The following FRAS1 variants were observed in gnomAD, a reference collection of about 807,000 sequenced individuals.
FRAS1 encodes the protein extracellular matrix organizing protein FRAS1.
A neutral mutation model predicts 435.2 loss-of-function variants in FRAS1; 290 were observed. That is an observed-to-expected ratio of 0.67 (90% CI 0.61 to 0.73). The LOEUF (loss-of-function observed/expected upper bound fraction) is 0.73, where lower values mean the gene tolerates loss of function less well. Among genes scored for constraint, FRAS1 ranks in the 30% least tolerant of loss-of-function variants. The probability of loss-of-function intolerance (pLI) is 0.00; values close to 1 mark genes in which losing one functional copy is unlikely to be tolerated. For synonymous variants in FRAS1, 1,800 were observed against 1,851.0 expected (o/e 0.97, Z 0.71); for missense variants, 4,860 against 5,001.5 (o/e 0.97, Z 0.85).
At chr4:78,424,075 C>T (rs879736715) in intron 34 of FRAS1, among the ~76,000 whole-genome samples, 1 of 152,118 alleles carries the variant, frequency 6.6e-6, no homozygotes, top group Non-Finnish European at 1.5e-5. Flanking sequence ...ACGACTCACC[C>T]GCATTCACCG....
chr4:78,420,589 T>TTAGTTCTATACCTGAA (rs1262339009), intron 33 of FRAS1, among the ~76,000 whole-genome samples: 6 of 106,336 alleles, frequency 5.6e-5, no homozygotes, highest in Non-Finnish European at 1.2e-4. Context: ...GTTCTTAGAA[T>TTAGTTCTATACCTGAA]AATCAAGACC....
At chr4:78,438,815 T>A in intron 39 of FRAS1, 87 bp from the exon 40 acceptor site, 4 of 1,492,386 alleles carry the variant, frequency 2.7e-6, no homozygotes, top group Non-Finnish European at 3.7e-6. Flanking sequence ...ATATATTGGT[T>A]TGGCCCCATT....
At chr4:78,264,088 CA>C (rs1227167824) in intron 6 of FRAS1, among the ~76,000 whole-genome samples, 2 of 152,140 alleles carry the variant, frequency 1.3e-5, no homozygotes, top group Non-Finnish European at 2.9e-5. Context: ...TAAGATCTAC[CA>C]CTTCTTAGTT....
At chr4:78,279,460 G>C (rs971649253) in intron 10 of FRAS1, among the ~76,000 whole-genome samples, 1 of 152,170 alleles carries the variant, frequency 6.6e-6, no homozygotes, top group Admixed American at 6.5e-5. Flanking sequence ...CTGGAGGTAG[G>C]CAACCTGGTT....
intron 23 of FRAS1, among the ~76,000 whole-genome samples, chr4:78,372,248 A>T (rs774090062): frequency 2.0e-5 from 3 of 152,224 alleles, no homozygotes; most frequent in Non-Finnish European, 2.9e-5. Context: ...GAGAGATAGA[A>T]ACCCATGCAG....
In FRAS1 at chr4:78,246,670, A is replaced by G. The variant is rs567991169; in HGVS notation, c.309+1345A>G. On this transcript the variant is annotated intron_variant, in intron 4 of 73. Coordinates refer to ENST00000512123, the MANE Select transcript of FRAS1 (RefSeq NM_025074.7). ...ATGATAAGTGCATGGTTCAAGGTGAATGATAAGTGCATGGTTCAACCTGAA... is the reference window on the plus strand; with the variant it reads ...ATGATAAGTGCATGGTTCAAGGTGAGTGATAAGTGCATGGTTCAACCTGAA... Among the ~76,000 whole-genome samples the G allele has an allele frequency of 2.0e-5, 3 of 152,330 alleles. 1 individual carries two copies. Among genetic ancestry groups the G allele is most frequent in the African/African-American group, 7.2e-5 (3 of 41,584 alleles).
At chr4:78,431,192 T>G (rs1389480642) in intron 37 of FRAS1, among the ~76,000 whole-genome samples, 2 of 152,192 alleles carry the variant, frequency 1.3e-5, no homozygotes. Context: ...TTGCTACTGA[T>G]GGTAGATGGA....
rs1553934020 is a variant in FRAS1, at chr4:78,249,048, G to GATATATATATATATGCATAT, written c.310-3329_310-3310dup. 1.9e-3 allele frequency among the ~76,000 whole-genome samples: 53 copies of GATATATATATATATGCATAT among 27,488 alleles called. 4 individuals are homozygous for GATATATATATATATGCATAT. The highest frequency in any genetic ancestry group is 2.6e-3 in the Admixed American group (4 of 1,532). The allele number at this position is 27,488 out of a possible 152,430, so 18.0% of individuals were successfully genotyped here. ...TCATAAACGTGTATGAAGAACTACT[G>GATATATATATATATGCATAT]ATATATATATATATGCATATATATA... On this transcript the variant is annotated intron_variant, in intron 4 of 73. Coordinates refer to ENST00000512123, the MANE Select transcript of FRAS1 (RefSeq NM_025074.7).
At chr4:78,125,104 C>T (rs182950369) in intron 2 of FRAS1, among the ~76,000 whole-genome samples, 1 of 152,188 alleles carries the variant, frequency 6.6e-6, no homozygotes, top group Non-Finnish European at 1.5e-5. Flanking sequence ...TAGATCTCTC[C>T]TGCTTTCTCT....
intron 14 of FRAS1, among the ~76,000 whole-genome samples, chr4:78,302,978 T>C (rs1434943114): frequency 6.6e-6 from 1 of 152,172 alleles, no homozygotes; most frequent in Non-Finnish European, 1.5e-5. Context: ...TTCTAGGGTT[T>C]TTATGGTTTT....
chr4:78,229,377 C>T (rs1485341759), intron 2 of FRAS1, among the ~76,000 whole-genome samples: 1 of 149,340 alleles, frequency 6.7e-6, no homozygotes, highest in African/African-American at 2.5e-5. Flanking sequence ...GCAGGTGGAG[C>T]TTTGAGACAT....
At chr4:78,154,538 C>T (rs756865092) in intron 2 of FRAS1, among the ~76,000 whole-genome samples, 6 of 152,176 alleles carry the variant, frequency 3.9e-5, no homozygotes, top group Non-Finnish European at 5.9e-5. Context: ...CAGTCTTCAT[C>T]ACTGTACTCT....
intron 73 of FRAS1, 102 bp downstream of exon 73, chr4:78,539,542 A>G: frequency 9.0e-7 from 1 of 1,111,242 alleles, no homozygotes; most frequent in Non-Finnish European, 1.3e-6. Context: ...GGATTCTTCA[A>G]CATTCTGCCA....
chr4:78,336,641 C>CTT (rs1044905911), intron 19 of FRAS1, among the ~76,000 whole-genome samples: 1 of 148,084 alleles, frequency 6.8e-6, no homozygotes, highest in Non-Finnish European at 1.5e-5. Flanking sequence ...TGCTTGCTTG[C>CTT]TTTTTTTTTT....
At chr4:78,227,365 T>A (rs1033380064) in intron 2 of FRAS1, among the ~76,000 whole-genome samples, 8 of 152,366 alleles carry the variant, frequency 5.3e-5, no homozygotes, top group Admixed American at 2.6e-4. Context: ...AATGCTAGAA[T>A]CACCTCTAAA....
intron 25 of FRAS1, among the ~76,000 whole-genome samples, chr4:78,375,437 C>T (rs1731718840): frequency 6.6e-6 from 1 of 152,194 alleles, no homozygotes; most frequent in Admixed American, 6.5e-5. Context: ...AGGAAGCGTA[C>T]CTAGAAAGAG....
intron 29 of FRAS1, among the ~76,000 whole-genome samples, chr4:78,392,814 T>TA (rs1732503750): frequency 6.6e-6 from 1 of 151,768 alleles, no homozygotes; most frequent in Non-Finnish European, 1.5e-5. Flanking sequence ...TATGAGGAGA[T>TA]AAAAAAATTC....
At chr4:78,094,104 GTTTTTTTTTT>G (rs71214395) in intron 2 of FRAS1, among the ~76,000 whole-genome samples, 14 of 106,636 alleles carry the variant, frequency 1.3e-4, no homozygotes, top group Non-Finnish European at 1.9e-4. Flanking sequence ...GAATAACCAA[GTTTTTTTTTT>G]TTTTTTTTTT....
chr4:78,447,592 C>T (rs1370531983), intron 43 of FRAS1, among the ~76,000 whole-genome samples: 2 of 152,092 alleles, frequency 1.3e-5, no homozygotes, highest in East Asian at 1.9e-4. Context: ...CCCTTGAGAA[C>T]AGAAATATAT....
Sources: allele counts gnomAD v4.1 joint callset (sites outside exome capture counted in the v4.1 genomes callset), GRCh38; gene constraint gnomAD v4.1.1; transcripts MANE v1.5; gene names NCBI Gene and HGNC (gene_info 2026-07-23, HGNC 2026-07-21).